Variants in LOXL3 observed in about 807,000 individuals in gnomAD.
LOXL3 encodes the protein lysyl oxidase like 3.
LOXL3 carries 60 observed loss-of-function variants against 91.8 expected under a neutral mutation model. The ratio of observed to expected loss-of-function variants is 0.65; its 90% CI spans 0.53 to 0.81. LOXL3 has a LOEUF of 0.81. Among genes scored for constraint, LOXL3 ranks in the 30% least tolerant of loss-of-function variants. The pLI is 0.00. For synonymous variants in LOXL3, 355 were observed against 387.6 expected, an observed-to-expected ratio of 0.92 and a Z score of 0.99; for missense variants, 874 against 1,000.4, an observed-to-expected ratio of 0.87 and a Z score of 1.70.
chr2:74,542,509 C>T (rs1225326212), intron 4 of LOXL3, among the ~76,000 whole-genome samples: 1 of 151,926 alleles, frequency 6.6e-6, no homozygotes, highest in East Asian at 1.9e-4. Context: ...ATTCAAATCA[C>T]TCCTACACAT....
chr2:74,534,289 T>C (rs749962269), intron 11 of LOXL3, 27 bp downstream of exon 11: 7 of 1,614,158 alleles, frequency 4.3e-6, no homozygotes, highest in Non-Finnish European at 5.9e-6. Context: ...ATGGATACCA[T>C]GTGGTTCACT....
chr2:74,540,274 G>A (rs1451032642), intron 4 of LOXL3, among the ~76,000 whole-genome samples: 1 of 152,212 alleles, frequency 6.6e-6, no homozygotes, highest in East Asian at 1.9e-4. Context: ...AGGGCAGATG[G>A]CAAGTAAGGA....
chr2:74,542,747 C>A (rs750938380), intron 4 of LOXL3, among the ~76,000 whole-genome samples: 3 of 152,018 alleles, frequency 2.0e-5, no homozygotes, highest in Non-Finnish European at 4.4e-5. Context: ...GCCTCAGCCT[C>A]CCAGGTAGCT....
intron 4 of LOXL3, chr2:74,548,931 T>TCCCCGGGC (rs1676789325): frequency 6.6e-6 from 1 of 151,354 alleles, no homozygotes. Flanking sequence ...CGCGCCGCCG[T>TCCCCGGGC]CCCCGGGCCC....
chr2:74,536,113 A>G lies in LOXL3; in HGVS notation c.1131T>C (p.Ser377=). 1 of 1,614,004 alleles carries G rather than the reference A, an allele frequency of 6.2e-7. No homozygotes were observed. The highest frequency in any genetic ancestry group is 8.5e-7 in the Non-Finnish European group (1 of 1,180,006). Residue 377 remains serine, a synonymous_variant, in exon 7 of 14, where the codon TCT becomes TCC. Coordinates refer to ENST00000264094, the MANE Select transcript of LOXL3 (RefSeq NM_032603.5). The surrounding 1 kb of genome is among the most constrained non-coding windows in gnomAD (Gnocchi z 4.5). ...GAIHLSEVRC[S]GQELSLWKCP... is the part of the protein sequence containing the mutation. ...ACTTCCAGAGGGAGAGCTCCTGTCC[A>G]GAGCAGCGAACTTCACTCAGGTGGA...
chr2:74,533,024 C>T lies in LOXL3; in HGVS notation c.*582G>A, dbSNP rs972551671. 4 of 1,604,758 alleles carry T rather than the reference C, an allele frequency of 2.5e-6. No individual in the cohort carries two copies. The African/African-American group carries it at 5.4e-5, about 21-fold the overall frequency. ...AGTATGAGGCTCCTGCTCTGATTTC[C>T]TCCTTGCCTTTCTGGCTGAGGTTCT... is the stretch of plus-strand genomic sequence containing the variant. On this transcript the variant is annotated 3_prime_UTR_variant, in exon 14 of 14. Coordinates refer to ENST00000264094, the MANE Select transcript of LOXL3 (RefSeq NM_032603.5).
Position 74,549,262 on chromosome 2 carries a change from C to A in LOXL3, c.692+107G>T, listed in dbSNP as rs980269566. On this transcript the variant is annotated intron_variant, in intron 4 of 13. Coordinates refer to ENST00000264094, the MANE Select transcript of LOXL3 (RefSeq NM_032603.5). The surrounding 1 kb of genome is among the most constrained non-coding windows in gnomAD (Gnocchi z 5.3). ...CTCCATATTTTCCCGCGCGTCCCGA[C>A]CCCCGGGTCCTCCCGTGCCCCGGAC... The A allele has an allele frequency of 3.9e-6, 5 of 1,288,506 alleles. No homozygotes were observed. The East Asian group carries it at 8.0e-5, about 21-fold the overall frequency. 79.8% of individuals were successfully genotyped at this position (1,288,506 alleles called of 1,614,324 possible).
upstream of LOXL3, chr2:74,555,254 G>T: frequency 6.2e-7 from 1 of 1,613,992 alleles, no homozygotes; most frequent in Non-Finnish European, 8.5e-7. The surrounding 1 kb of genome is among the most constrained non-coding windows in gnomAD (Gnocchi z 6.1). Flanking sequence ...GGGGGTGGCC[G>T]AGGGAGCTCG....
chr2:74,554,705 C>T (rs774514795), upstream of LOXL3: 3 of 1,597,910 alleles, frequency 1.9e-6, no homozygotes, highest in African/African-American at 1.3e-5. The surrounding 1 kb of genome is among the most constrained non-coding windows in gnomAD (Gnocchi z 4.9). Context: ...CGCCTCCCGC[C>T]CCGCCTCCCG....
Position 74,536,282 on chromosome 2 carries a change from C to T in LOXL3, c.1093+9G>A. The T allele has an allele frequency of 6.2e-7, 1 of 1,613,350 alleles. No homozygotes were observed. Among genetic ancestry groups the T allele is most frequent in the Non-Finnish European group, 8.5e-7 (1 of 1,179,818 alleles). On this transcript the variant is annotated intron_variant, in intron 6 of 13. Coordinates refer to ENST00000264094, the MANE Select transcript of LOXL3 (RefSeq NM_032603.5). The surrounding 1 kb of genome is among the most constrained non-coding windows in gnomAD (Gnocchi z 4.5). ...CTTCCCTCTCCCTCCCACCTCCATG[C>T]CACCTCACCCTGCCCCATGCGAGCG... is the stretch of plus-strand genomic sequence containing the variant.
At chr2:74,534,844 C>T in intron 9 of LOXL3, 70 bp from the exon 10 acceptor site, 1 of 1,533,352 alleles carries the variant, frequency 6.5e-7, no homozygotes, top group Non-Finnish European at 8.9e-7. Context: ...TTCCATCCCT[C>T]CCTAGTGTGT....
chr2:74,555,384 G>T, upstream of LOXL3: 1 of 1,612,562 alleles, frequency 6.2e-7, no homozygotes, highest in Non-Finnish European at 8.5e-7. The surrounding 1 kb of genome is among the most constrained non-coding windows in gnomAD (Gnocchi z 6.1). Context: ...CTCAGCGCTC[G>T]CACCTGCTGG....
Position 74,549,122 on chromosome 2 carries a change from G to T in LOXL3, c.692+247C>A, listed in dbSNP as rs1676813298. On this transcript the variant is annotated intron_variant, in intron 4 of 13. Coordinates refer to ENST00000264094, the MANE Select transcript of LOXL3 (RefSeq NM_032603.5). This position sits in a 1 kb window ranked among gnomAD's most constrained non-coding sequence, Gnocchi z 5.3. ...CCGGGGCCGAGGAATCCGCCTGCCC[G>T]CCCAGGCGTCGGCCACGAGAGAGCG... is the stretch of plus-strand genomic sequence containing the variant. The T allele has an allele frequency of 2.7e-6, 1 of 369,812 alleles. No homozygotes were observed. The highest frequency in any genetic ancestry group is 4.8e-6 in the Non-Finnish European group (1 of 209,964). The allele number at this position is 369,812 out of a possible 1,614,324, so 22.9% of individuals were successfully genotyped here.
At chr2:74,547,828 C>T (rs1676695015) in intron 4 of LOXL3, among the ~76,000 whole-genome samples, 1 of 152,116 alleles carries the variant, frequency 6.6e-6, no homozygotes, top group South Asian at 2.1e-4. Flanking sequence ...TAAAAATAGA[C>T]TCAAACTACT....
At position 74,535,600 on chromosome 2, in the gene LOXL3, GT is replaced by G. The variant is rs1200799600; in HGVS notation, c.1403del (p.Asn468ThrfsTer15). The G allele has an allele frequency of 1.2e-6, 2 of 1,613,944 alleles. No individual in the cohort carries two copies. Among genetic ancestry groups the G allele is most frequent in the Non-Finnish European group, 1.7e-6 (2 of 1,180,038 alleles). On this transcript the variant is annotated frameshift_variant, in exon 8 of 14. Coordinates refer to ENST00000264094, the MANE Select transcript of LOXL3 (RefSeq NM_032603.5). LOFTEE classifies it high-confidence loss of function. The surrounding 1 kb of genome is among the most constrained non-coding windows in gnomAD (Gnocchi z 4.2). Reference sequence around the variant, plus strand: ...CCTTCCCACTCACCTGCAGGCCGTGGTTGGCGTAGCCCAGACCCAGTTGCCT... The same window carrying G: ...CCTTCCCACTCACCTGCAGGCCGTGGTGGCGTAGCCCAGACCCAGTTGCCT... ...ACRQLGLGYA[N>X]HGLQETWYWD...
rs553781929 is a variant in LOXL3 at position 74,533,384 on chromosome 2, C to G, written c.*222G>C. 1.1e-5 allele frequency: 6 copies of G among 564,370 alleles called. No individual in the cohort carries two copies. In the African/African-American group the frequency reaches 1.1e-4, roughly 11 times the overall value. 35.0% of individuals were successfully genotyped at this position (564,370 alleles called of 1,614,324 possible). Reference sequence around the variant, plus strand: ...GTGGTGGGCTCTGGTCTGTTCTGCTCGGTGCTGGGCCTGGGAGCAAAGATT... The same window carrying G: ...GTGGTGGGCTCTGGTCTGTTCTGCTGGGTGCTGGGCCTGGGAGCAAAGATT... On this transcript the variant is annotated 3_prime_UTR_variant, in exon 14 of 14. Transcript: ENST00000264094.
At chr2:74,552,240 GC>G (rs1287608360) in intron 2 of LOXL3, 81 bp downstream of exon 2, 2 of 1,314,926 alleles carry the variant, frequency 1.5e-6, no homozygotes, top group African/African-American at 2.9e-5. Context: ...TGTCCCTATG[GC>G]TGTGCCATCC....
rs1676924960 is a variant in LOXL3, at chr2:74,550,338, C to T, written c.324G>A (p.Trp108Ter). 6.2e-7 allele frequency: 1 copy of T among 1,613,150 alleles called. No homozygotes were observed. The highest frequency in any genetic ancestry group is 8.5e-7 in the Non-Finnish European group (1 of 1,179,492). Residue 108 changes from tryptophan to a stop codon, truncating the protein, a stop_gained, in exon 3 of 14, where the codon TGG becomes TGA. Coordinates refer to ENST00000264094, the MANE Select transcript of LOXL3 (RefSeq NM_032603.5). LOFTEE classifies it high-confidence loss of function. Reference protein sequence around the residue: ...AKYGPGTGRIWLDNLSCSGTE... With the variant: ...AKYGPGTGRI ...TCCCACTGCAGCTCAAGTTGTCCAG[C>T]CAGATGCGGCCTGTGGAAGGGGAGA...
intron 2 of LOXL3, 99 bp downstream of exon 2, chr2:74,552,223 T>G: frequency 1.9e-6 from 2 of 1,065,910 alleles, no homozygotes; most frequent in South Asian, 1.6e-5. Flanking sequence ...CTGTTCTTGG[T>G]GTCGTGTGTC....
Sources: gnomAD v4.1 joint callset for allele counts (sites outside exome capture counted in the v4.1 genomes callset) on GRCh38, gnomAD v4.1.1 for gene constraint, Gnocchi (gnomAD v3.1) non-coding constraint, MANE v1.5 for transcripts, NCBI Gene and HGNC (gene_info 2026-07-23, HGNC 2026-07-21) for gene names.